KIAA1958: variants seen among roughly 807,000 people sequenced by gnomAD.
KIAA1958 encodes KIAA1958, also known as uncharacterized protein KIAA1958.
A neutral mutation model predicts 47.2 loss-of-function variants in KIAA1958; 14 were observed. That is an observed-to-expected ratio of 0.30 (90% CI 0.20 to 0.46). The LOEUF (loss-of-function observed/expected upper bound fraction) is 0.46. Ranked by LOEUF, KIAA1958 falls within the 20% of genes least tolerant of loss-of-function variation. KIAA1958 has a pLI of 1.00. For synonymous variants in KIAA1958, 354 were observed against 353.3 expected, an observed-to-expected ratio of 1.00 and a Z score of -0.02; for missense variants, 803 against 909.2, an observed-to-expected ratio of 0.88 and a Z score of 1.50.
At chr9:112,578,883 A>G (rs914418052) in intron 2 of KIAA1958, among the ~76,000 whole-genome samples, 1 of 152,070 alleles carries the variant, frequency 6.6e-6, no homozygotes, top group African/African-American at 2.4e-5. Flanking sequence ...TTATGTGTAT[A>G]TTATATTTCT....
intron 2 of KIAA1958, among the ~76,000 whole-genome samples, chr9:112,595,676 TA>T (rs57064581): frequency 0.14 from 19,030 of 133,346 alleles, 1,461 homozygotes; most frequent in East Asian, 0.2. Flanking sequence ...AGACTCCATC[TA>T]AAAAAAAAAA....
intron 1 of KIAA1958, among the ~76,000 whole-genome samples, chr9:112,529,184 T>A (rs943148068): frequency 6.6e-6 from 1 of 152,222 alleles, no homozygotes; most frequent in Non-Finnish European, 1.5e-5. Flanking sequence ...TATATCTACA[T>A]GTCTATTTTA....
intron 1 of KIAA1958, among the ~76,000 whole-genome samples, chr9:112,570,472 A>G (rs547988994): frequency 6.6e-6 from 1 of 152,356 alleles, no homozygotes; most frequent in African/African-American, 2.4e-5. Context: ...TCCATCTGAA[A>G]GTCTGCTTGT....
At chr9:112,601,869 T>G (rs1357449679) in intron 2 of KIAA1958, among the ~76,000 whole-genome samples, 2 of 152,214 alleles carry the variant, frequency 1.3e-5, no homozygotes, top group South Asian at 2.1e-4. Flanking sequence ...TCTGCTTCAG[T>G]GAAAAATGCT....
chr9:112,509,607 G>A (rs1326312037), intron 1 of KIAA1958, among the ~76,000 whole-genome samples: 3 of 152,098 alleles, frequency 2.0e-5, no homozygotes, highest in Admixed American at 2.0e-4. Flanking sequence ...GTAAGGTAAG[G>A]CAAAAAGGAT....
intron 3 of KIAA1958, among the ~76,000 whole-genome samples, chr9:112,656,716 C>A (rs1023695972): frequency 1.3e-5 from 2 of 150,462 alleles, no homozygotes; most frequent in Admixed American, 6.6e-5. Flanking sequence ...ATAAAGGCAT[C>A]CCTTTAGGAA....
chr9:112,635,958 T>A (rs530749665), intron 2 of KIAA1958, among the ~76,000 whole-genome samples: 1 of 151,856 alleles, frequency 6.6e-6, no homozygotes, highest in South Asian at 2.1e-4. Flanking sequence ...TTTTCTTCTT[T>A]TGTAGCCTAT....
At chr9:112,581,915 A>G (rs1221178216) in intron 2 of KIAA1958, 12 of 231,196 alleles carry the variant, frequency 5.2e-5, no homozygotes, top group Non-Finnish European at 1.0e-4. Context: ...CTTCCCTGAC[A>G]TGCTAGTCCT....
intron 1 of KIAA1958, among the ~76,000 whole-genome samples, chr9:112,517,410 A>G (rs567062866): frequency 6.6e-6 from 1 of 152,306 alleles, no homozygotes; most frequent in Non-Finnish European, 1.5e-5. Context: ...CTAAAAAGTG[A>G]ACTTCAGTCT....
chr9:112,528,520 A>G (rs1322311155), intron 1 of KIAA1958, among the ~76,000 whole-genome samples: 1 of 151,978 alleles, frequency 6.6e-6, no homozygotes, highest in African/African-American at 2.4e-5. Flanking sequence ...TTTATTTCAT[A>G]TGCATGTATT....
At position 112,618,643 on chromosome 9, in the gene KIAA1958, G is replaced by A; in HGVS notation, c.1172-27007G>A. 1.9e-6 allele frequency: 3 copies of A among 1,550,690 alleles called. No homozygotes were observed. Among genetic ancestry groups the A allele is most frequent in the Non-Finnish European group, 2.6e-6 (3 of 1,147,014 alleles). On this transcript the variant is annotated intron_variant, in intron 2 of 3. Coordinates refer to ENST00000337530, the MANE Select transcript of KIAA1958 (RefSeq NM_133465.4). This position sits in a 1 kb window ranked among gnomAD's most constrained non-coding sequence, Gnocchi z 7.1. ...TATCCATCAAGCCAGTCGTGAACCT[G>A]GCGGCTCTGCATTGGTACAACTGCC...
chr9:112,512,040 C>T (rs1228075891), intron 1 of KIAA1958, among the ~76,000 whole-genome samples: 1 of 152,136 alleles, frequency 6.6e-6, no homozygotes, highest in East Asian at 1.9e-4. Flanking sequence ...GAAAACCTTC[C>T]CACAAAGGAA....
intron 2 of KIAA1958, among the ~76,000 whole-genome samples, chr9:112,619,494 CCTGTG>C (rs1201710009): frequency 1.3e-5 from 2 of 152,062 alleles, no homozygotes; most frequent in East Asian, 3.8e-4. Context: ...AGTTTTAGCT[CCTGTG>C]CCTCATTTTT....
intron 2 of KIAA1958, among the ~76,000 whole-genome samples, chr9:112,643,718 T>C (rs1333595698): frequency 6.6e-6 from 1 of 152,034 alleles, no homozygotes; most frequent in Non-Finnish European, 1.5e-5. Flanking sequence ...TGCAGACCAA[T>C]TGAAGAGACC....
chr9:112,510,991 A>T (rs1442581017), intron 1 of KIAA1958, among the ~76,000 whole-genome samples: 3 of 152,026 alleles, frequency 2.0e-5, no homozygotes, highest in Non-Finnish European at 2.9e-5. Context: ...TACAGATAGA[A>T]CAGAGTGATC....
intron 2 of KIAA1958, among the ~76,000 whole-genome samples, chr9:112,635,214 T>TTGTGTGTGTGTGTG (rs71999105): frequency 6.3e-4 from 82 of 130,434 alleles, no homozygotes; most frequent in Middle Eastern, 3.6e-3. Flanking sequence ...ATTCTTTATT[T>TTGTGTGTGTGTGTG]TGTGTGTGTG....
intron 2 of KIAA1958, among the ~76,000 whole-genome samples, chr9:112,590,174 G>C (rs1015035556): frequency 8.5e-5 from 13 of 152,112 alleles, no homozygotes; most frequent in Admixed American, 8.5e-4. Flanking sequence ...ATCAAAATCT[G>C]CATTTTAATG....
chr9:112,627,865 C>T (rs1408648154), intron 2 of KIAA1958, among the ~76,000 whole-genome samples: 1 of 152,248 alleles, frequency 6.6e-6, no homozygotes, highest in African/African-American at 2.4e-5. Flanking sequence ...CACAGACTTA[C>T]TTAACATACT....
At chr9:112,580,626 A>C (rs1835719968) in intron 2 of KIAA1958, among the ~76,000 whole-genome samples, 1 of 152,122 alleles carries the variant, frequency 6.6e-6, no homozygotes, top group South Asian at 2.1e-4. Context: ...ATCTCTTCTG[A>C]AAATACAAAA....
Sources: allele counts gnomAD v4.1 joint callset (sites outside exome capture counted in the v4.1 genomes callset), GRCh38; gene constraint gnomAD v4.1.1; non-coding constraint Gnocchi (gnomAD v3.1); transcripts MANE v1.5; gene names NCBI Gene and HGNC (gene_info 2026-07-23, HGNC 2026-07-21).